The following KCNQ2 variants were observed in gnomAD, a reference collection of about 807,000 sequenced individuals.
KCNQ2 encodes the protein potassium voltage-gated channel subfamily Q member 2.
KCNQ2 carries 14 observed loss-of-function variants against 84.8 expected under a neutral mutation model. That is an observed-to-expected ratio of 0.17 (90% confidence interval 0.11 to 0.26). The LOEUF is 0.26. Among genes scored for constraint, KCNQ2 ranks in the 10% least tolerant of loss-of-function variants. The pLI is 1.00. For synonymous variants in KCNQ2, 599 were observed against 554.1 expected (o/e 1.08, Z -1.14); for missense variants, 788 against 1,254.0 (o/e 0.63, Z 5.61).
At chr20:63,467,780 T>C (rs762970719) in intron 1 of KCNQ2, among the ~76,000 whole-genome samples, 1 of 152,196 alleles carries the variant, frequency 6.6e-6, no homozygotes, top group Non-Finnish European at 1.5e-5. Flanking sequence ...TTAAGCATTT[T>C]CAAAACTGGA....
chr20:63,443,343 TCACCACCACCAC>T (rs1568937312), intron 4 of KCNQ2, among the ~76,000 whole-genome samples: 43 of 7,312 alleles, frequency 5.9e-3, no homozygotes, highest in African/African-American at 0.019. Flanking sequence ...ATCACCACCA[TCACCACCACCAC>T]CACCATCACC....
Position 63,433,712 on chromosome 20 carries a change from T to G in KCNQ2, c.1118+97A>C, listed in dbSNP as rs762634721. On this transcript the variant is annotated intron_variant, in intron 8 of 16. Coordinates refer to ENST00000359125, the MANE Select transcript of KCNQ2 (RefSeq NM_172107.4). ...AAAAATACATTTTAAAGAAAAAAAA[T>G]CAATCAAAATAATGAACAACAAAAA... is the stretch of plus-strand genomic sequence containing the variant. The G allele has an allele frequency of 4.4e-6, 7 of 1,600,614 alleles. No individual in the cohort carries two copies. The East Asian group carries it at 1.6e-4, about 36-fold the overall frequency.
In KCNQ2 at chr20:63,405,709, A is replaced by C. The variant is rs986801655; in HGVS notation, c.*935T>G. ...ACCAGGTGGGTCTCGCAGTGCCGGC[A>C]CCCGGCCAGGGCAGTCAGGAGAGAG... On this transcript the variant is annotated 3_prime_UTR_variant, in exon 17 of 17. Transcript: ENST00000359125. 3 of 152,260 alleles carry C rather than the reference A, an allele frequency of 2.0e-5. No individual in the cohort carries two copies. Among genetic ancestry groups the C allele is most frequent in the Non-Finnish European group, 4.4e-5 (3 of 68,130 alleles). 9.4% of individuals were successfully genotyped at this position (152,260 alleles called of 1,614,324 possible).
intron 7 of KCNQ2, among the ~76,000 whole-genome samples, chr20:63,437,841 G>A (rs932158317): frequency 5.3e-5 from 8 of 152,096 alleles, no homozygotes; most frequent in Non-Finnish European, 8.8e-5. Flanking sequence ...ACGGAGTCTC[G>A]CTCTGTCACC....
intron 9 of KCNQ2, among the ~76,000 whole-genome samples, chr20:63,430,956 C>G (rs531670284): frequency 7.9e-5 from 12 of 152,200 alleles, no homozygotes; most frequent in Non-Finnish European, 1.5e-4. Context: ...CATTCCTGCT[C>G]TGCTCACAGA....
At chr20:63,443,343 TC>T (rs1568937305) in intron 4 of KCNQ2, among the ~76,000 whole-genome samples, 11 of 7,288 alleles carry the variant, frequency 1.5e-3, no homozygotes, top group African/African-American at 4.8e-3. Context: ...ATCACCACCA[TC>T]ACCACCACCA....
At position 63,439,676 on chromosome 20, in the gene KCNQ2, C is replaced by T. The variant is rs1055291761; in HGVS notation, c.849G>A (p.Lys283=). The T allele has an allele frequency of 1.2e-6, 2 of 1,613,726 alleles. No individual in the cohort carries two copies. Among genetic ancestry groups the T allele is most frequent in the Non-Finnish European group, 1.7e-6 (2 of 1,179,974 alleles). ...ITLTTIGYGD[K]YPQTWNGRLL... ...GCCTGCCGTTCCAGGTCTGGGGGTA[C>T]TTGTCCCCGTAGCCAATGGTGGTCA... The change falls in exon 6 of 17, where the codon AAG becomes AAA. Residue 283 remains lysine (K), a synonymous_variant. Coordinates refer to ENST00000359125, the MANE Select transcript of KCNQ2 (RefSeq NM_172107.4).
Position 63,406,045 on chromosome 20 carries a change from G to A in KCNQ2, c.*599C>T, listed in dbSNP as rs533198319. 3.3e-4 allele frequency: 50 copies of A among 152,674 alleles called. No individual in the cohort carries two copies. The South Asian group carries it at 4.8e-3, about 15-fold the overall frequency. The allele number at this position is 152,674 out of a possible 1,614,324, so 9.5% of individuals were successfully genotyped here. On this transcript the variant is annotated 3_prime_UTR_variant, in exon 17 of 17. Transcript: ENST00000359125. Reference sequence around the variant, plus strand: ...GCCCTCAGATCCCAGAAGGTACAGGGAGAAGACGCCAACCAATAGCTCTGT... The same window carrying A: ...GCCCTCAGATCCCAGAAGGTACAGGAAGAAGACGCCAACCAATAGCTCTGT...
At chr20:63,442,361 G>T in intron 5 of KCNQ2, 45 bp downstream of exon 5, 1 of 1,613,442 alleles carries the variant, frequency 6.2e-7, no homozygotes, top group Non-Finnish European at 8.5e-7. Flanking sequence ...CAGGGACAGG[G>T]GTGTATCAGC....
chr20:63,428,110 G>A (rs1015962857), intron 10 of KCNQ2, among the ~76,000 whole-genome samples: 2 of 152,208 alleles, frequency 1.3e-5, no homozygotes, highest in African/African-American at 2.4e-5. Context: ...GCCATGCAGA[G>A]CCCCCGGCCC....
chr20:63,405,677 C>T lies in KCNQ2; in HGVS notation c.*967G>A, dbSNP rs1307050762. The T allele has an allele frequency of 1.3e-5, 2 of 152,358 alleles. No homozygotes were observed. Among genetic ancestry groups the T allele is most frequent in the Non-Finnish European group, 2.9e-5 (2 of 68,154 alleles). 9.4% of individuals were successfully genotyped at this position (152,358 alleles called of 1,614,324 possible). A position where few individuals can be genotyped will look rare whatever the true frequency, so the allele number is the denominator to read the frequency against. Reference sequence around the variant, plus strand: ...GGGGCCCTGGCTAAGAACTGTGAGGCCTGCTCACCAGGTGGGTCTCGCAGT... The same window carrying T: ...GGGGCCCTGGCTAAGAACTGTGAGGTCTGCTCACCAGGTGGGTCTCGCAGT... On this transcript the variant is annotated 3_prime_UTR_variant, in exon 17 of 17. Transcript: ENST00000359125.
chr20:63,433,732 CAA>C, intron 8 of KCNQ2, 75 bp downstream of exon 8: 1 of 1,610,902 alleles, frequency 6.2e-7, no homozygotes, highest in Non-Finnish European at 8.5e-7. Context: ...TAATGAACAA[CAA>C]AAAGTGGGGT....
At chr20:63,435,624 G>A (rs145207613) in intron 7 of KCNQ2, among the ~76,000 whole-genome samples, 16 of 152,284 alleles carry the variant, frequency 1.1e-4, no homozygotes, top group African/African-American at 3.1e-4. Flanking sequence ...ACGCCTGCAT[G>A]GCTGAGATGA....
rs1328631101 is a variant in KCNQ2 at position 63,425,633 on chromosome 20, T to G, written c.1218-1427A>C. 1.3e-5 allele frequency among the ~76,000 whole-genome samples: 2 copies of G among 151,910 alleles called. No homozygotes were observed. Among genetic ancestry groups the G allele is most frequent in the Non-Finnish European group, 2.9e-5 (2 of 67,994 alleles). ...TACTCGGGAGGTTGAGGGAGGAGAA[T>G]CACTTGAACCCAGGAGGCAGAGGTT... On this transcript the variant is annotated intron_variant, in intron 10 of 16. Transcript: ENST00000359125. The surrounding 1 kb of genome is among the most constrained non-coding windows in gnomAD (Gnocchi z 5.5).
chr20:63,421,306 G>A (rs912430762), intron 11 of KCNQ2, among the ~76,000 whole-genome samples: 8 of 152,206 alleles, frequency 5.3e-5, no homozygotes, highest in South Asian at 2.1e-4. Flanking sequence ...ATCTCTAACC[G>A]TGCCCGTTAT....
chr20:63,421,126 G>T (rs2080458781), intron 11 of KCNQ2, among the ~76,000 whole-genome samples: 1 of 152,048 alleles, frequency 6.6e-6, no homozygotes, highest in African/African-American at 2.4e-5. Context: ...AGGAGGCAGG[G>T]TCCCGCTTCC....
Position 63,406,848 on chromosome 20 carries a change from G to A in KCNQ2, c.2415C>T (p.Phe805=), listed in dbSNP as rs2079952474. Residue 805 remains phenylalanine, a synonymous_variant, in exon 17 of 17, where the codon TTC becomes TTT. Transcript: ENST00000359125. ...HEELERSFSG[F]SISQSKENLD... ...GGTTCTCCTTGGACTGGGAGATGCT[G>A]AAGCCGCTGAAGGAACGCTCCAGCT... 2 of 1,612,310 alleles carry A rather than the reference G, an allele frequency of 1.2e-6. No homozygotes were observed. Among genetic ancestry groups the A allele is most frequent in the Non-Finnish European group, 1.7e-6 (2 of 1,179,742 alleles).
chr20:63,410,675 A>T (rs2080095614), intron 15 of KCNQ2, among the ~76,000 whole-genome samples: 1 of 152,184 alleles, frequency 6.6e-6, no homozygotes, highest in South Asian at 2.1e-4. Flanking sequence ...TTCTCACGGG[A>T]GGAGCACGGG....
chr20:63,417,942 C>T (rs1009184730), intron 12 of KCNQ2, among the ~76,000 whole-genome samples: 5 of 152,204 alleles, frequency 3.3e-5, no homozygotes, highest in Non-Finnish European at 5.9e-5. Flanking sequence ...GGCCTCGGCG[C>T]GGCCCTGCTG....
Sources: gnomAD v4.1 joint callset for allele counts (sites outside exome capture counted in the v4.1 genomes callset) on GRCh38, gnomAD v4.1.1 for gene constraint, Gnocchi (gnomAD v3.1) non-coding constraint, MANE v1.5 for transcripts, NCBI Gene and HGNC (gene_info 2026-07-23, HGNC 2026-07-21) for gene names.